Variants in PRKCA observed in about 807,000 individuals in gnomAD.
PRKCA encodes the protein protein kinase C alpha type.
Under a neutral mutation model 87.0 loss-of-function variants are expected in PRKCA, and 27 were observed. The observed-to-expected ratio is 0.31, with a 90% CI of 0.23 to 0.43. The LOEUF is 0.43. PRKCA is among the 20% of genes least tolerant of loss of function. PRKCA has a pLI of 1.00. For synonymous variants in PRKCA, 329 were observed against 311.1 expected (o/e 1.06, Z -0.61); for missense variants, 518 against 852.3 (o/e 0.61, Z 4.88).
At chr17:66,329,032 A>G (rs1462951354) in intron 2 of PRKCA, among the ~76,000 whole-genome samples, 1 of 152,190 alleles carries the variant, frequency 6.6e-6, no homozygotes, top group Non-Finnish European at 1.5e-5. Context: ...GATCATGCCT[A>G]CTGTTATGTG....
intron 13 of PRKCA, 68 bp downstream of exon 13, chr17:66,742,828 TA>T (rs1974186146): frequency 6.4e-7 from 1 of 1,551,528 alleles, no homozygotes; most frequent in Admixed American, 1.8e-5. Flanking sequence ...TCTCATGGGT[TA>T]TAGGGTCACT....
At chr17:66,447,591 C>T (rs939484878) in intron 2 of PRKCA, among the ~76,000 whole-genome samples, 6 of 152,222 alleles carry the variant, frequency 3.9e-5, no homozygotes, top group Admixed American at 3.9e-4. Context: ...GACAGGCGTT[C>T]ATAAAGCACT....
At chr17:66,774,868 A>G in intron 14 of PRKCA, 1 of 985,448 alleles carries the variant, frequency 1.0e-6, no homozygotes, top group Non-Finnish European at 1.2e-6. Flanking sequence ...ACTGAAGTCC[A>G]GTGAGGCTGA....
At position 66,743,937 on chromosome 17, in the gene PRKCA, G is replaced by A. The variant is rs139185044; in HGVS notation, c.1524+1177G>A. Among the ~76,000 whole-genome samples, 265 of 152,232 alleles carry A rather than the reference G, an allele frequency of 1.7e-3. 1 individual carries two copies. The highest frequency in any genetic ancestry group is 6.0e-3 in the African/African-American group (250 of 41,542). On this transcript the variant is annotated intron_variant, in intron 13 of 16. Transcript: ENST00000413366. ...TGGGAACTCGGGTGAGTTACTTAAC[G>A]TCTCTGAACCCCGTTTCTTCAGCGG...
Position 66,419,113 on chromosome 17 carries a change from T to C in PRKCA, c.206-77088T>C, listed in dbSNP as rs147025954. Among the ~76,000 whole-genome samples, 529 of 152,244 alleles carry C rather than the reference T, an allele frequency of 3.5e-3. 2 individuals carry two copies. Among genetic ancestry groups the C allele is most frequent in the African/African-American group, 0.012 (492 of 41,522 alleles). On this transcript the variant is annotated intron_variant, in intron 2 of 16. Transcript: ENST00000413366. ...CAGTTGATCAGTTGGATCCTCCATA[T>C]CTTGCGTATATACATGGGCTCAATT...
chr17:66,349,700 G>T lies in PRKCA; in HGVS notation c.205+43573G>T, dbSNP rs188659747. 2.5e-3 allele frequency among the ~76,000 whole-genome samples: 373 copies of T among 152,196 alleles called. 3 individuals carry two copies. The highest frequency in any genetic ancestry group is 6.8e-3 in the Middle Eastern group (2 of 294). On this transcript the variant is annotated intron_variant, in intron 2 of 16. Coordinates refer to ENST00000413366, the MANE Select transcript of PRKCA (RefSeq NM_002737.3). ...ACATCTCCTCTGGGCTGCTGACTGC[G>T]CACAAACACAAAATTCATTCCTCCA...
chr17:66,789,853 C>T (rs915813569), intron 16 of PRKCA, among the ~76,000 whole-genome samples: 1 of 152,210 alleles, frequency 6.6e-6, no homozygotes, highest in Non-Finnish European at 1.5e-5. Flanking sequence ...GTTTATATCT[C>T]TAGAGGTAAA....
At chr17:66,721,989 TGAG>T (rs1555640672) in intron 8 of PRKCA, among the ~76,000 whole-genome samples, 2 of 152,000 alleles carry the variant, frequency 1.3e-5, no homozygotes, top group Non-Finnish European at 2.9e-5. Flanking sequence ...TCTATGATGA[TGAG>T]ATGGACCCAC....
chr17:66,513,630 T>A (rs75303197), intron 3 of PRKCA, among the ~76,000 whole-genome samples: 2,770 of 152,312 alleles, frequency 0.018, 33 homozygotes, highest in Non-Finnish European at 0.029. Context: ...TAGATTGTCC[T>A]CTGCAGTCAT....
chr17:66,471,559 C>T (rs553053902), intron 2 of PRKCA, among the ~76,000 whole-genome samples: 3 of 152,074 alleles, frequency 2.0e-5, no homozygotes, highest in Admixed American at 1.3e-4. Context: ...TGCAGCCCTC[C>T]ATGATTTTAG....
chr17:66,483,824 T>C (rs1327829207), intron 2 of PRKCA, among the ~76,000 whole-genome samples: 1 of 152,158 alleles, frequency 6.6e-6, no homozygotes, highest in Non-Finnish European at 1.5e-5. Context: ...TATGCCAGTG[T>C]GACCCCATCT....
At chr17:66,494,336 A>G (rs1916372307) in intron 2 of PRKCA, among the ~76,000 whole-genome samples, 1 of 152,210 alleles carries the variant, frequency 6.6e-6, no homozygotes, top group African/African-American at 2.4e-5. Flanking sequence ...TTGTTTTCTT[A>G]CAGTTCTAGA....
intron 2 of PRKCA, among the ~76,000 whole-genome samples, chr17:66,429,312 C>T (rs986808404): frequency 2.0e-5 from 3 of 152,112 alleles, no homozygotes; most frequent in Admixed American, 6.6e-5. Context: ...GCTTTAATAT[C>T]GTTGGGTTTC....
Position 66,804,993 on chromosome 17 carries a change from T to C in PRKCA, c.*956T>C. 1 of 985,164 alleles carries C rather than the reference T, an allele frequency of 1.0e-6. No homozygotes were observed. 61.0% of individuals were successfully genotyped at this position (985,164 alleles called of 1,614,324 possible). ...GAAGTGTACGCCCTCTCCCCTTTTG[T>C]GCTTATTTATTTAATAGGCTGCAGT... On this transcript the variant is annotated 3_prime_UTR_variant, in exon 17 of 17. Transcript: ENST00000413366.
intron 14 of PRKCA, among the ~76,000 whole-genome samples, chr17:66,780,808 G>A (rs939367619): frequency 7.2e-5 from 11 of 151,928 alleles, no homozygotes; most frequent in South Asian, 2.1e-4. Context: ...CATAATTTTC[G>A]TTTAAAATAG....
chr17:66,453,547 A>T (rs1914432665), intron 2 of PRKCA, among the ~76,000 whole-genome samples: 1 of 151,868 alleles, frequency 6.6e-6, no homozygotes, highest in Non-Finnish European at 1.5e-5. Context: ...CGAACTCCTG[A>T]CCTCAGGTGA....
intron 13 of PRKCA, among the ~76,000 whole-genome samples, chr17:66,766,548 TAAAAAC>T (rs745943756): frequency 1.4e-4 from 22 of 152,094 alleles, no homozygotes; most frequent in Non-Finnish European, 2.5e-4. Flanking sequence ...CTGCCACTGT[TAAAAAC>T]AAACTCACTT....
At chr17:66,595,070 T>C (rs1378091563) in intron 3 of PRKCA, among the ~76,000 whole-genome samples, 1 of 152,206 alleles carries the variant, frequency 6.6e-6, no homozygotes. Flanking sequence ...TGTTCAGCAG[T>C]CTTTGCCAGT....
rs1040597848 is a variant in PRKCA at position 66,645,529 on chromosome 17, C to A, written c.529+18C>A. The A allele has an allele frequency of 3.7e-6, 6 of 1,613,840 alleles. No homozygotes were observed. In the Admixed American group the frequency reaches 8.3e-5, roughly 22 times the overall value. On this transcript the variant is annotated intron_variant, in intron 5 of 16. Coordinates refer to ENST00000413366, the MANE Select transcript of PRKCA (RefSeq NM_002737.3). ...TGTCACAGGTAAGGCTTGCTCATCC[C>A]GGAGCAGCATCGTGGGCAGGCATTT...
Sources: allele counts gnomAD v4.1 joint callset (sites outside exome capture counted in the v4.1 genomes callset), GRCh38; gene constraint gnomAD v4.1.1; transcripts MANE v1.5; gene names NCBI Gene and HGNC (gene_info 2026-07-23, HGNC 2026-07-21).